The following HNMT variants were observed in gnomAD, a reference collection of about 807,000 sequenced individuals.
The protein encoded by HNMT is histamine N-methyltransferase.
Under a neutral mutation model 32.1 loss-of-function variants are expected in HNMT, and 30 were observed. That is an observed-to-expected ratio of 0.93 (90% CI 0.70 to 1.27). HNMT has a LOEUF of 1.27. HNMT is among the 50% of genes most tolerant of loss of function. The pLI is 0.00. For synonymous variants in HNMT, 125 were observed against 119.0 expected (o/e 1.05, Z -0.33); for missense variants, 327 against 346.0 (o/e 0.95, Z 0.43).
rs1681631364 is a variant in HNMT at position 138,015,340 on chromosome 2, C to A, written c.*1210C>A. The A allele has an allele frequency of 6.6e-6, 1 of 152,108 alleles. No homozygotes were observed. The highest frequency in any genetic ancestry group is 2.4e-5 in the African/African-American group (1 of 41,436). 9.4% of individuals were successfully genotyped at this position (152,108 alleles called of 1,614,324 possible). Reference sequence around the variant, plus strand: ...TTTTACTAAACAGCTCATGAGCCCTCATTCTGCCAGTGAGGAAGCCTTCAA... The same window carrying A: ...TTTTACTAAACAGCTCATGAGCCCTAATTCTGCCAGTGAGGAAGCCTTCAA... On this transcript the variant is annotated 3_prime_UTR_variant, in exon 6 of 6. Coordinates refer to ENST00000280097, the MANE Select transcript of HNMT (RefSeq NM_006895.3).
intron 2 of HNMT, among the ~76,000 whole-genome samples, chr2:137,997,207 A>C (rs1681023856): frequency 6.6e-6 from 1 of 152,232 alleles, no homozygotes; most frequent in South Asian, 2.1e-4. Context: ...TCTGCACAGC[A>C]AAAGAAACTA....
intron 2 of HNMT, among the ~76,000 whole-genome samples, chr2:137,976,885 A>G (rs1312923774): frequency 6.6e-6 from 1 of 152,224 alleles, no homozygotes. Context: ...TTAAAGACAG[A>G]TAAGTTACAG....
chr2:137,990,041 C>T (rs1295923283), intron 2 of HNMT, among the ~76,000 whole-genome samples: 1 of 152,076 alleles, frequency 6.6e-6, no homozygotes, highest in Non-Finnish European at 1.5e-5. Flanking sequence ...TGCTTGTCAT[C>T]TCATTCTCTT....
At chr2:137,997,151 A>G (rs1681022188) in intron 2 of HNMT, among the ~76,000 whole-genome samples, 2 of 152,250 alleles carry the variant, frequency 1.3e-5, no homozygotes. Context: ...AGCAATTGCA[A>G]CAAAAGCCAA....
chr2:137,986,245 A>G (rs1680648787), intron 2 of HNMT, among the ~76,000 whole-genome samples: 3 of 149,944 alleles, frequency 2.0e-5, no homozygotes, highest in Non-Finnish European at 4.4e-5. Context: ...GAGATTATAT[A>G]TATATAATAT....
chr2:137,976,762 G>A (rs139354891), intron 2 of HNMT, among the ~76,000 whole-genome samples: 651 of 152,166 alleles, frequency 4.3e-3, no homozygotes, highest in African/African-American at 0.015. Context: ...TTTTATTAAA[G>A]GCATTTGTTA....
At position 138,014,159 on chromosome 2, in the gene HNMT, T is replaced by C; in HGVS notation, c.*29T>C. ...TCAATCACAAAAGTATATTCAAAAA[T>C]TATATTTTGAACAACTCGAATCACT... is the stretch of plus-strand genomic sequence containing the variant. On this transcript the variant is annotated 3_prime_UTR_variant, in exon 6 of 6. Transcript: ENST00000280097. 2 of 1,327,100 alleles carry C rather than the reference T, an allele frequency of 1.5e-6. No homozygotes were observed. Among genetic ancestry groups the C allele is most frequent in the Non-Finnish European group, 2.1e-6 (2 of 957,872 alleles). 82.2% of individuals were successfully genotyped at this position (1,327,100 alleles called of 1,614,324 possible). A position where few individuals can be genotyped will look rare whatever the true frequency, so the allele number is the denominator to read the frequency against.
At chr2:138,002,998 A>G (rs1316910781) in intron 4 of HNMT, among the ~76,000 whole-genome samples, 2 of 149,552 alleles carry the variant, frequency 1.3e-5, no homozygotes, top group Non-Finnish European at 3.0e-5. Context: ...AAAACCAAAC[A>G]CCGCATATTC....
intron 4 of HNMT, 62 bp from the exon 5 acceptor site, chr2:138,005,070 G>A: frequency 1.1e-6 from 1 of 896,348 alleles, no homozygotes; most frequent in Non-Finnish European, 1.9e-6. Flanking sequence ...GGAGTATCTA[G>A]CCCAAGCAAT....
At position 138,002,172 on chromosome 2, in the gene HNMT, G is replaced by C. The variant is rs1681193872; in HGVS notation, c.407G>C (p.Trp136Ser). 6.3e-7 allele frequency: 1 copy of C among 1,583,480 alleles called. No homozygotes were observed. The highest frequency in any genetic ancestry group is 1.7e-5 in the Admixed American group (1 of 58,620). ...RMLEKKELQKWDFIHMIQMLY... is the reference protein window; with the variant it reads ...RMLEKKELQKSDFIHMIQMLY... ...TTGGAGAAAAAGGAGCTTCAAAAGT[G>C]GGACTTTATTCATATGATTCAAGTA... Residue 136 changes from tryptophan (W) to serine (S), a missense_variant, in exon 4 of 6, where the codon TGG becomes TCG. By Grantham distance (177) the Trp-to-Ser change is radical (BLOSUM62 -3). Transcript: ENST00000280097.
At chr2:138,010,897 C>T (rs560104207) in intron 5 of HNMT, among the ~76,000 whole-genome samples, 1 of 152,142 alleles carries the variant, frequency 6.6e-6, no homozygotes, top group South Asian at 2.1e-4. Flanking sequence ...GTTTAAAAGG[C>T]AGCCTGTCTG....
chr2:137,986,174 TAA>T (rs1416217570), intron 2 of HNMT, among the ~76,000 whole-genome samples: 1 of 151,020 alleles, frequency 6.6e-6, no homozygotes, highest in Non-Finnish European at 1.5e-5. Flanking sequence ...TACAAAATAA[TAA>T]AAGAAAAAAT....
chr2:137,993,632 A>C (rs1680894065), intron 2 of HNMT, among the ~76,000 whole-genome samples: 1 of 152,210 alleles, frequency 6.6e-6, no homozygotes, highest in South Asian at 2.1e-4. Flanking sequence ...GAACTTCCTC[A>C]ATCTAGCAAG....
intron 2 of HNMT, among the ~76,000 whole-genome samples, chr2:137,992,353 C>T (rs1486392780): frequency 1.3e-5 from 2 of 152,192 alleles, no homozygotes; most frequent in African/African-American, 2.4e-5. Flanking sequence ...TCTCTATAGC[C>T]CCAGGCTGTG....
rs755441595 is a variant in HNMT, at chr2:138,002,082, C to G, written c.317C>G (p.Ser106Trp). The part of the protein sequence containing the change: ...AKYKELVAKT[S>W]NLENVKFAWH... Reference sequence around the variant, plus strand: ...ATTTTAGAGCTTGTAGCCAAGACATCGAACCTCGAGAACGTAAAGTTTGCT... The same window carrying G: ...ATTTTAGAGCTTGTAGCCAAGACATGGAACCTCGAGAACGTAAAGTTTGCT... The change falls in exon 4 of 6, where the codon TCG becomes TGG. Residue 106 changes from serine to tryptophan, a missense_variant. Ser to Trp is a radical substitution (Grantham distance 177). Coordinates refer to ENST00000280097, the MANE Select transcript of HNMT (RefSeq NM_006895.3). 4.4e-6 allele frequency: 7 copies of G among 1,586,662 alleles called. No homozygotes were observed. In the African/African-American group the frequency reaches 9.5e-5, roughly 22 times the overall value.
In HNMT at chr2:138,014,059, G is replaced by A. The variant is rs1681591376; in HGVS notation, c.808G>A (p.Glu270Lys). 10 of 1,613,144 alleles carry A rather than the reference G, an allele frequency of 6.2e-6. No homozygotes were observed. Among genetic ancestry groups the A allele is most frequent in the Non-Finnish European group, 8.5e-6 (10 of 1,179,452 alleles). Reference sequence around the variant, plus strand: ...GCTTGGGAAAGATCTACAAGAGCCTGAATTTAGTGCTAAGAAAGAGGGGAA... The same window carrying A: ...GCTTGGGAAAGATCTACAAGAGCCTAAATTTAGTGCTAAGAAAGAGGGGAA... ...AELGKDLQEP[E>K]FSAKKEGKVL... Residue 270 changes from glutamate to lysine, a missense_variant, in exon 6 of 6, where the codon GAA becomes AAA. Glu to Lys is a moderately conservative substitution (Grantham distance 56, BLOSUM62 1). Transcript: ENST00000280097.
At position 137,967,106 on chromosome 2, in the gene HNMT, T is replaced by C. The variant is rs765486905; in HGVS notation, c.137+2478T>C. The stretch of plus-strand genomic sequence containing the variant: ...TTCCACTGTCTTTTAGATACCAGAA[T>C]TGCTGTTAACAAATAAAATACTGGC... On this transcript the variant is annotated intron_variant, in intron 1 of 5. Coordinates refer to ENST00000280097, the MANE Select transcript of HNMT (RefSeq NM_006895.3). 1.3e-5 allele frequency: 10 copies of C among 780,550 alleles called. No individual in the cohort carries two copies. The South Asian group carries it at 1.3e-4, about 10-fold the overall frequency. The allele number at this position is 780,550 out of a possible 1,614,324, so 48.4% of individuals were successfully genotyped here. A position where few individuals can be genotyped will look rare whatever the true frequency, so the allele number is the denominator to read the frequency against.
At chr2:138,006,143 T>C (rs755515156) in intron 5 of HNMT, among the ~76,000 whole-genome samples, 23 of 152,034 alleles carry the variant, frequency 1.5e-4, no homozygotes, top group Non-Finnish European at 1.9e-4. Flanking sequence ...AGATATACTA[T>C]TTTTATCTCT....
At chr2:137,967,385 G>A in intron 1 of HNMT, 1 of 400,998 alleles carries the variant, frequency 2.5e-6, no homozygotes, top group Non-Finnish European at 4.4e-6. Flanking sequence ...CTGGATGACA[G>A]AGTGAGAACC....
Sources: allele counts gnomAD v4.1 joint callset (sites outside exome capture counted in the v4.1 genomes callset), GRCh38; gene constraint gnomAD v4.1.1; transcripts MANE v1.5; gene names NCBI Gene and HGNC (gene_info 2026-07-23, HGNC 2026-07-21).